Variants in ATF6 observed in about 807,000 individuals in gnomAD.
ATF6 encodes activating transcription factor 6, also known as cyclic AMP-dependent transcription factor ATF-6 alpha.
A neutral mutation model predicts 83.6 loss-of-function variants in ATF6; 53 were observed. That is an observed-to-expected ratio of 0.63 (90% confidence interval 0.51 to 0.80). The LOEUF is 0.80. Among genes scored for constraint, ATF6 ranks in the 30% least tolerant of loss-of-function variants. ATF6 has a pLI of 0.00. For synonymous variants in ATF6, 288 were observed against 285.8 expected, an observed-to-expected ratio of 1.01 and a Z score of -0.08; for missense variants, 744 against 797.9, an observed-to-expected ratio of 0.93 and a Z score of 0.81.
intron 7 of ATF6, among the ~76,000 whole-genome samples, chr1:161,817,515 G>A (rs562937289): frequency 2.7e-5 from 4 of 150,796 alleles, no homozygotes; most frequent in African/African-American, 4.8e-5. Flanking sequence ...ATGTGCGTGC[G>A]TGTGTGTGTG....
At chr1:161,776,543 C>CA (rs1246773496) in intron 1 of ATF6, among the ~76,000 whole-genome samples, 1 of 152,058 alleles carries the variant, frequency 6.6e-6, no homozygotes, top group Non-Finnish European at 1.5e-5. Flanking sequence ...ATTTTGAGAA[C>CA]AGAGCTGACA....
intron 9 of ATF6, among the ~76,000 whole-genome samples, chr1:161,838,176 G>A (rs1397020413): frequency 2.0e-5 from 3 of 152,142 alleles, no homozygotes; most frequent in Non-Finnish European, 4.4e-5. Context: ...AGAAAAGAGA[G>A]ATTGTACTCA....
chr1:161,950,930 C>T (rs760288115), intron 15 of ATF6, among the ~76,000 whole-genome samples: 3 of 152,186 alleles, frequency 2.0e-5, no homozygotes, highest in African/African-American at 4.8e-5. Flanking sequence ...TTTCTATGAT[C>T]TAATGAAGAA....
intron 7 of ATF6, among the ~76,000 whole-genome samples, chr1:161,816,811 T>TA (rs1295723201): frequency 6.6e-6 from 1 of 152,068 alleles, no homozygotes. Context: ...TCCCCCCACT[T>TA]AAAAAAATAC....
chr1:161,954,523 T>G (rs1248664494), intron 15 of ATF6, among the ~76,000 whole-genome samples: 5 of 152,250 alleles, frequency 3.3e-5, no homozygotes, highest in Non-Finnish European at 7.3e-5. Flanking sequence ...AATATTAAAC[T>G]TCATGTAAAT....
intron 6 of ATF6, among the ~76,000 whole-genome samples, chr1:161,801,359 C>CTTTTTT (rs1170991022): frequency 5.2e-5 from 5 of 95,284 alleles, no homozygotes; most frequent in Admixed American, 1.1e-4. Flanking sequence ...TATTTGTAGT[C>CTTTTTT]TTTTTTTTTT....
At chr1:161,949,933 A>T (rs750178285) in intron 15 of ATF6, among the ~76,000 whole-genome samples, 1 of 152,128 alleles carries the variant, frequency 6.6e-6, no homozygotes, top group Non-Finnish European at 1.5e-5. Context: ...TGAAAACACA[A>T]ATTTGAAGAA....
intron 9 of ATF6, among the ~76,000 whole-genome samples, chr1:161,839,538 T>TATG (rs1332661783): frequency 4.6e-5 from 7 of 152,022 alleles, no homozygotes; most frequent in Non-Finnish European, 1.0e-4. Context: ...ATTATTGTAT[T>TATG]ATGATTATTA....
intron 1 of ATF6, among the ~76,000 whole-genome samples, chr1:161,777,491 T>G (rs1245459819): frequency 6.6e-6 from 1 of 152,042 alleles, no homozygotes; most frequent in African/African-American, 2.4e-5. Flanking sequence ...AGGTAGAGAG[T>G]ACAAAGGAAG....
intron 6 of ATF6, among the ~76,000 whole-genome samples, chr1:161,799,434 G>A (rs553831880): frequency 6.6e-6 from 1 of 152,290 alleles, no homozygotes; most frequent in East Asian, 1.9e-4. Flanking sequence ...ACTTTTGAGG[G>A]TGGAGGATGC....
At chr1:161,911,767 A>G (rs577041637) in intron 14 of ATF6, among the ~76,000 whole-genome samples, 1 of 152,316 alleles carries the variant, frequency 6.6e-6, no homozygotes, top group South Asian at 2.1e-4. Context: ...TCTTTCTTCT[A>G]CAGATAGAAA....
At chr1:161,838,007 A>G (rs1361784819) in intron 9 of ATF6, among the ~76,000 whole-genome samples, 1 of 152,182 alleles carries the variant, frequency 6.6e-6, no homozygotes, top group African/African-American at 2.4e-5. Context: ...TGGCTTAATC[A>G]CTGACAGAGC....
rs1294917650 is a variant in ATF6, at chr1:161,854,801, G to A, written c.1533+1478G>A. Among the ~76,000 whole-genome samples the A allele has an allele frequency of 3.3e-5, 5 of 151,940 alleles. No homozygotes were observed. In the South Asian group the frequency reaches 8.3e-4, roughly 25 times the overall value. On this transcript the variant is annotated intron_variant, in intron 12 of 15. Coordinates refer to ENST00000367942, the MANE Select transcript of ATF6 (RefSeq NM_007348.4). ...GCAGGAGAATGGCATGAACTTGGGA[G>A]ACGGAGCTTGGAGTGAGCCGAGATC...
rs1483238344 is a variant in ATF6, at chr1:161,962,661, C to G, written c.*4007C>G. The G allele has an allele frequency of 6.6e-6, 1 of 152,320 alleles. No individual in the cohort carries two copies. Among genetic ancestry groups the G allele is most frequent in the East Asian group, 1.9e-4 (1 of 5,192 alleles). The allele number at this position is 152,320 out of a possible 1,614,324, so 9.4% of individuals were successfully genotyped here. The stretch of plus-strand genomic sequence containing the variant: ...AGAGTTAGAGCCTGATCTGATGCCC[C>G]CTTTCACTCTGAAGTCATGGGAAAT... On this transcript the variant is annotated 3_prime_UTR_variant, in exon 16 of 16. Coordinates refer to ENST00000367942, the MANE Select transcript of ATF6 (RefSeq NM_007348.4).
At chr1:161,873,666 A>G (rs967291405) in intron 14 of ATF6, among the ~76,000 whole-genome samples, 1 of 151,608 alleles carries the variant, frequency 6.6e-6, no homozygotes, top group Non-Finnish European at 1.5e-5. Flanking sequence ...CATTATGGGT[A>G]GGCTTTGAAG....
chr1:161,882,193 A>T (rs1393850912), intron 14 of ATF6, among the ~76,000 whole-genome samples: 2 of 152,156 alleles, frequency 1.3e-5, no homozygotes, highest in African/African-American at 4.8e-5. Context: ...TCAAATTTCC[A>T]GTCTTTATAC....
At chr1:161,925,975 A>G (rs1283624160) in intron 15 of ATF6, among the ~76,000 whole-genome samples, 1 of 152,176 alleles carries the variant, frequency 6.6e-6, no homozygotes, top group African/African-American at 2.4e-5. Context: ...GGTACAGATG[A>G]AGCTGCAGAG....
intron 13 of ATF6, among the ~76,000 whole-genome samples, chr1:161,861,260 A>C (rs1686880558): frequency 1.3e-5 from 2 of 152,276 alleles, no homozygotes; most frequent in South Asian, 4.1e-4. Flanking sequence ...TACTTAGAAT[A>C]TACTGTGTGC....
intron 14 of ATF6, among the ~76,000 whole-genome samples, chr1:161,909,340 C>T (rs1291647850): frequency 6.6e-6 from 1 of 152,142 alleles, no homozygotes; most frequent in Non-Finnish European, 1.5e-5. Context: ...CCACCATTAC[C>T]ACCTTGAAGA....
Sources: allele counts gnomAD v4.1 joint callset (sites outside exome capture counted in the v4.1 genomes callset), GRCh38; gene constraint gnomAD v4.1.1; transcripts MANE v1.5; gene names NCBI Gene and HGNC (gene_info 2026-07-23, HGNC 2026-07-21).